Variants in EXOC4 observed in about 807,000 individuals in gnomAD.
EXOC4 encodes the protein SEC8-like 1.
EXOC4 carries 71 observed loss-of-function variants against 107.2 expected under a neutral mutation model. The observed-to-expected ratio is 0.66, with a 90% CI of 0.55 to 0.81. The LOEUF (loss-of-function observed/expected upper bound fraction) is 0.81, where lower values mean the gene tolerates loss of function less well. Ranked by LOEUF, EXOC4 falls within the 30% of genes least tolerant of loss-of-function variation. EXOC4 has a pLI of 0.00. For missense variants in EXOC4, 1,108 were observed against 1,189.6 expected, an observed-to-expected ratio of 0.93 and a Z score of 1.01; for synonymous variants, 456 against 441.2, an observed-to-expected ratio of 1.03 and a Z score of -0.42.
intron 9 of EXOC4, among the ~76,000 whole-genome samples, chr7:133,624,215 G>A (rs1802399772): frequency 6.6e-6 from 1 of 152,144 alleles, no homozygotes; most frequent in South Asian, 2.1e-4. Flanking sequence ...AAAAAGTCAT[G>A]ATCATTTTAT....
At chr7:134,086,522 A>G in the EXOC4 span, among the ~76,000 whole-genome samples, 2 of 152,320 alleles carry the variant, frequency 1.3e-5, no homozygotes, top group East Asian at 3.9e-4. Flanking sequence ...TAAGATTAAC[A>G]GAAGAAAAAC....
intron 10 of EXOC4, among the ~76,000 whole-genome samples, chr7:133,763,636 A>G (rs1397323459): frequency 1.4e-4 from 22 of 151,886 alleles, no homozygotes. Flanking sequence ...TTACTGTCAT[A>G]TAGGATTGCT....
At chr7:133,743,320 G>A (rs142098564) in intron 10 of EXOC4, among the ~76,000 whole-genome samples, 6 of 152,284 alleles carry the variant, frequency 3.9e-5, no homozygotes, top group Non-Finnish European at 4.4e-5. Context: ...GGCCTGGGTC[G>A]TGTTTGACTG....
chr7:133,680,293 A>G (rs1423491132), intron 10 of EXOC4, among the ~76,000 whole-genome samples: 2 of 152,224 alleles, frequency 1.3e-5, no homozygotes, highest in Non-Finnish European at 2.9e-5. Flanking sequence ...ACAATTCTAA[A>G]TTGAAAAATC....
At chr7:133,846,470 G>T (rs188345721) in intron 11 of EXOC4, among the ~76,000 whole-genome samples, 1 of 152,086 alleles carries the variant, frequency 6.6e-6, no homozygotes, top group Non-Finnish European at 1.5e-5. Flanking sequence ...TGTGGGTGGC[G>T]TTCATCCTGT....
intron 6 of EXOC4, among the ~76,000 whole-genome samples, chr7:133,369,600 C>T (rs1290862316): frequency 6.6e-6 from 1 of 152,060 alleles, no homozygotes; most frequent in Non-Finnish European, 1.5e-5. Context: ...GAGTGTTGGT[C>T]CTGGACCTCA....
chr7:134,022,292 G>A lies in EXOC4; in HGVS notation c.2687+14457G>A, dbSNP rs577275455. Among the ~76,000 whole-genome samples, 92 of 152,124 alleles carry A rather than the reference G, an allele frequency of 6.0e-4. 1 individual carries two copies. Among genetic ancestry groups the A allele is most frequent in the Non-Finnish European group, 1.0e-3 (71 of 68,008 alleles). ...TGGTGCATAGTTCTCCAGGGATATA[G>A]GTATTGAAATGATAATGACACATAA... On this transcript the variant is annotated intron_variant, in intron 17 of 17. Coordinates refer to ENST00000253861, the MANE Select transcript of EXOC4 (RefSeq NM_021807.4).
chr7:133,879,852 C>T (rs578088293), intron 11 of EXOC4, among the ~76,000 whole-genome samples: 1 of 152,176 alleles, frequency 6.6e-6, no homozygotes, highest in African/African-American at 2.4e-5. Context: ...ATCCTGAGCT[C>T]TGCTACCAAA....
At chr7:134,006,377 T>C (rs1794643692) in intron 16 of EXOC4, among the ~76,000 whole-genome samples, 1 of 151,956 alleles carries the variant, frequency 6.6e-6, no homozygotes, top group African/African-American at 2.4e-5. Context: ...CCTACAGAGA[T>C]TTTTCATATA....
At chr7:133,917,856 CT>C in intron 13 of EXOC4, 118 bp downstream of exon 13, 1 of 969,266 alleles carries the variant, frequency 1.0e-6, no homozygotes, top group Non-Finnish European at 1.5e-6. Context: ...ATTACTTGAA[CT>C]TAGTAAAATA....
chr7:133,741,691 GA>G (rs1795568012), intron 10 of EXOC4, among the ~76,000 whole-genome samples: 1 of 152,144 alleles, frequency 6.6e-6, no homozygotes, highest in Non-Finnish European at 1.5e-5. Flanking sequence ...AAATCCTAAA[GA>G]TATTTTTCAG....
At chr7:133,472,863 A>C (rs1158546733) in intron 7 of EXOC4, among the ~76,000 whole-genome samples, 1 of 152,172 alleles carries the variant, frequency 6.6e-6, no homozygotes, top group African/African-American at 2.4e-5. Context: ...AGGGGACTTT[A>C]CTGATGATGA....
chr7:133,864,734 A>G lies in EXOC4; in HGVS notation c.1735-30865A>G, dbSNP rs147111912. Among the ~76,000 whole-genome samples, 389 of 152,290 alleles carry G rather than the reference A, an allele frequency of 2.6e-3. 5 individuals are homozygous for G. Among genetic ancestry groups the G allele is most frequent in the African/African-American group, 8.8e-3 (365 of 41,554 alleles). On this transcript the variant is annotated intron_variant, in intron 11 of 17. Transcript: ENST00000253861. Reference sequence around the variant, plus strand: ...ATATGTGCCAGAAAGGGAAACAAGCATTGTCATGTGCGGTTCATCTGGATT... The same window carrying G: ...ATATGTGCCAGAAAGGGAAACAAGCGTTGTCATGTGCGGTTCATCTGGATT...
intron 10 of EXOC4, among the ~76,000 whole-genome samples, chr7:133,676,937 GTGTGTGTGTGTGTGTGTGTA>G (rs1406635577): frequency 1.0e-4 from 8 of 78,536 alleles, no homozygotes; most frequent in South Asian, 8.8e-4. Flanking sequence ...CTGTGTGTGT[GTGTGTGTGTGTGTGTGTGTA>G]TGTGTGTGTG....
intron 12 of EXOC4, among the ~76,000 whole-genome samples, chr7:133,905,026 A>G (rs1295972801): frequency 6.6e-6 from 1 of 152,210 alleles, no homozygotes; most frequent in East Asian, 1.9e-4. Context: ...TTAAATAGAA[A>G]GCCATATACA....
intron 7 of EXOC4, among the ~76,000 whole-genome samples, chr7:133,432,114 A>C (rs893212736): frequency 2.0e-5 from 3 of 152,154 alleles, no homozygotes; most frequent in African/African-American, 7.2e-5. Flanking sequence ...TTCCTGGTCT[A>C]GTCTATCCCT....
At chr7:133,466,662 T>C (rs1192776773) in intron 7 of EXOC4, among the ~76,000 whole-genome samples, 1 of 152,156 alleles carries the variant, frequency 6.6e-6, no homozygotes, top group Non-Finnish European at 1.5e-5. Flanking sequence ...AGAGAAACAG[T>C]TTCCAATGCA....
intron 5 of EXOC4, among the ~76,000 whole-genome samples, chr7:133,328,697 T>C (rs944495305): frequency 6.6e-6 from 1 of 152,210 alleles, no homozygotes; most frequent in African/African-American, 2.4e-5. Context: ...TTTGGCTGGA[T>C]ATGAAATCCT....
chr7:133,471,081 T>G (rs1798863913), intron 7 of EXOC4, among the ~76,000 whole-genome samples: 1 of 152,156 alleles, frequency 6.6e-6, no homozygotes, highest in African/African-American at 2.4e-5. Context: ...AAATTTCAGG[T>G]ATCCTAGAAA....
Sources: allele counts gnomAD v4.1 joint callset (sites outside exome capture counted in the v4.1 genomes callset), GRCh38; gene constraint gnomAD v4.1.1; transcripts MANE v1.5; gene names NCBI Gene and HGNC (gene_info 2026-07-23, HGNC 2026-07-21).